RSRC1: variants seen among roughly 807,000 people sequenced by gnomAD.
RSRC1 encodes the protein serine/Arginine-related protein 53.
A neutral mutation model predicts 49.1 loss-of-function variants in RSRC1; 39 were observed. The observed-to-expected ratio is 0.79, with a 90% CI of 0.61 to 1.04. RSRC1 has a LOEUF of 1.04. RSRC1 is among the 50% of genes least tolerant of loss of function. The pLI is 0.00. For missense variants in RSRC1, 388 were observed against 402.4 expected, an observed-to-expected ratio of 0.96 and a Z score of 0.31; for synonymous variants, 143 against 130.8, an observed-to-expected ratio of 1.09 and a Z score of -0.63.
chr3:158,252,758 C>T (rs1219825296), intron 4 of RSRC1, among the ~76,000 whole-genome samples: 2 of 152,072 alleles, frequency 1.3e-5, no homozygotes, highest in African/African-American at 4.8e-5. Context: ...ATTTTGATCT[C>T]GTTACTTGAT....
intron 5 of RSRC1, among the ~76,000 whole-genome samples, chr3:158,299,616 G>A (rs1053791405): frequency 3.9e-5 from 6 of 152,202 alleles, no homozygotes; most frequent in South Asian, 4.2e-4. Flanking sequence ...AATTACAGGC[G>A]TGAGCCACCT....
intron 6 of RSRC1, among the ~76,000 whole-genome samples, chr3:158,388,851 C>T (rs1347263454): frequency 1.3e-5 from 2 of 151,986 alleles, no homozygotes; most frequent in African/African-American, 4.8e-5. Context: ...CCTCATGATC[C>T]GCCCGCCTCG....
intron 5 of RSRC1, among the ~76,000 whole-genome samples, chr3:158,338,577 C>G (rs1730046898): frequency 1.3e-5 from 2 of 152,186 alleles, no homozygotes; most frequent in South Asian, 4.1e-4. Flanking sequence ...AGTTGTGCAT[C>G]TGAGAAAGCA....
intron 6 of RSRC1, among the ~76,000 whole-genome samples, chr3:158,412,809 G>T (rs1018748433): frequency 6.6e-6 from 1 of 151,862 alleles, no homozygotes; most frequent in Non-Finnish European, 1.5e-5. Flanking sequence ...AAAAAGTTTC[G>T]CTCTGATTTT....
At chr3:158,299,819 T>C (rs1433677545) in intron 5 of RSRC1, among the ~76,000 whole-genome samples, 7 of 152,020 alleles carry the variant, frequency 4.6e-5, no homozygotes, top group African/African-American at 1.7e-4. Context: ...GTACTTATAA[T>C]TTTATCCAGC....
chr3:158,262,634 CTG>C (rs1326874383), intron 4 of RSRC1, among the ~76,000 whole-genome samples: 1 of 152,020 alleles, frequency 6.6e-6, no homozygotes, highest in Non-Finnish European at 1.5e-5. Flanking sequence ...TGAATTGAGT[CTG>C]TAGATCAGTT....
chr3:158,157,432 C>T (rs6800218), intron 3 of RSRC1, among the ~76,000 whole-genome samples: 38,918 of 151,974 alleles, frequency 0.26, 5,101 homozygotes, highest in Non-Finnish European at 0.29. Context: ...ATATCTGGCT[C>T]GAGCCCTCTT....
intron 5 of RSRC1, among the ~76,000 whole-genome samples, chr3:158,305,437 AATC>A (rs1559984999): frequency 2.0e-5 from 3 of 152,102 alleles, no homozygotes; most frequent in African/African-American, 7.2e-5. Flanking sequence ...AGGGTCTGAA[AATC>A]AGACCTTCTT....
chr3:158,458,256 T>A (rs537294825), intron 6 of RSRC1, among the ~76,000 whole-genome samples: 1 of 152,200 alleles, frequency 6.6e-6, no homozygotes, highest in Admixed American at 6.5e-5. Context: ...AAATATTGGT[T>A]TTTGGTAGAG....
intron 3 of RSRC1, among the ~76,000 whole-genome samples, chr3:158,164,550 T>C (rs979800715): frequency 6.6e-6 from 1 of 152,120 alleles, no homozygotes; most frequent in Admixed American, 6.6e-5. Context: ...TTTTTTTCTT[T>C]GTTTAAGTGC....
At chr3:158,412,674 C>T (rs1242993992) in intron 6 of RSRC1, among the ~76,000 whole-genome samples, 3 of 152,012 alleles carry the variant, frequency 2.0e-5, no homozygotes, top group African/African-American at 7.2e-5. Flanking sequence ...TAATAATCAG[C>T]CTGAGAGCAG....
chr3:158,321,150 CCTT>C (rs886231891), intron 5 of RSRC1, among the ~76,000 whole-genome samples: 1 of 152,022 alleles, frequency 6.6e-6, no homozygotes, highest in African/African-American at 2.4e-5. Flanking sequence ...CATCACTTCT[CCTT>C]CTTCTGTGTC....
chr3:158,311,945 C>G (rs1017293963), intron 5 of RSRC1, among the ~76,000 whole-genome samples: 5 of 151,830 alleles, frequency 3.3e-5, no homozygotes, highest in Non-Finnish European at 7.4e-5. Context: ...TGACCAACCA[C>G]TGTGATATTT....
chr3:158,249,098 G>A (rs1724066214), intron 4 of RSRC1, among the ~76,000 whole-genome samples: 1 of 152,082 alleles, frequency 6.6e-6, no homozygotes, highest in South Asian at 2.1e-4. Context: ...CTTTTGTGTA[G>A]TGTGTCTAGT....
chr3:158,390,513 G>T (rs9846458), intron 6 of RSRC1, among the ~76,000 whole-genome samples: 12,261 of 152,144 alleles, frequency 0.081, 664 homozygotes, highest in Middle Eastern at 0.14. Context: ...TGTAATGATA[G>T]TATTAATAAG....
intron 6 of RSRC1, among the ~76,000 whole-genome samples, chr3:158,375,912 G>A (rs1470832023): frequency 1.3e-5 from 2 of 152,108 alleles, no homozygotes; most frequent in African/African-American, 2.4e-5. Context: ...TAGGCACCAG[G>A]GACCAGGTGG....
At chr3:158,261,110 G>T (rs1354369825) in intron 4 of RSRC1, among the ~76,000 whole-genome samples, 2 of 152,166 alleles carry the variant, frequency 1.3e-5, no homozygotes, top group Non-Finnish European at 1.5e-5. Flanking sequence ...CTGCCAGGGG[G>T]ATGATCACTG....
chr3:158,266,395 T>G (rs1169830932), intron 4 of RSRC1, among the ~76,000 whole-genome samples: 1 of 152,142 alleles, frequency 6.6e-6, no homozygotes, highest in African/African-American at 2.4e-5. Context: ...TTTGAGCTTA[T>G]GTAGATGTTT....
At chr3:158,119,987 C>T (rs896334850) in intron 1 of RSRC1, among the ~76,000 whole-genome samples, 2 of 151,994 alleles carry the variant, frequency 1.3e-5, no homozygotes, top group African/African-American at 2.4e-5. Context: ...CATGCCACCA[C>T]GCCCAGCTAC....
Sources: allele counts gnomAD v4.1 joint callset (sites outside exome capture counted in the v4.1 genomes callset), GRCh38; gene constraint gnomAD v4.1.1; transcripts MANE v1.5; gene names NCBI Gene and HGNC (gene_info 2026-07-23, HGNC 2026-07-21).